The following DNAH8 variants were observed in gnomAD, a reference collection of about 807,000 sequenced individuals.
DNAH8 encodes the protein dynein axonemal heavy chain 8, also known as axonemal beta dynein heavy chain 8.
DNAH8 carries 382 observed loss-of-function variants against 562.1 expected under a neutral mutation model. The ratio of observed to expected loss-of-function variants is 0.68; its 90% CI spans 0.63 to 0.74. DNAH8 has a LOEUF of 0.74. Ranked by LOEUF, DNAH8 falls within the 30% of genes least tolerant of loss-of-function variation. The pLI, the probability that DNAH8 is intolerant of heterozygous loss-of-function variation, is 0.00. For missense variants in DNAH8, 5,203 were observed against 5,620.4 expected (o/e 0.93, Z 2.37); for synonymous variants, 1,881 against 1,919.4 (o/e 0.98, Z 0.52).
chr6:38,910,273 A>G (rs1780789928), intron 65 of DNAH8, among the ~76,000 whole-genome samples: 1 of 152,228 alleles, frequency 6.6e-6, no homozygotes. Flanking sequence ...CATGTTCATT[A>G]TGTGAAAGCT....
At position 38,911,606 on chromosome 6, in the gene DNAH8, A is replaced by G. The variant is rs769927619; in HGVS notation, c.9859+20A>G. On this transcript the variant is annotated intron_variant, in intron 66 of 92. Coordinates refer to ENST00000327475, the MANE Select transcript of DNAH8 (RefSeq NM_001206927.2). ...ATATTGGTAAGAGGAATGGAATGGA[A>G]TGGGATGGAATAGAAATAGGGTTTA... 2.1e-6 allele frequency: 3 copies of G among 1,463,384 alleles called. No homozygotes were observed. The highest frequency in any genetic ancestry group is 1.1e-5 in the South Asian group (1 of 87,310). 90.6% of individuals were successfully genotyped at this position (1,463,384 alleles called of 1,614,324 possible). A position where few individuals can be genotyped will look rare whatever the true frequency, so the allele number is the denominator to read the frequency against.
At position 38,911,530 on chromosome 6, in the gene DNAH8, A is replaced by G. The variant is rs1401462491; in HGVS notation, c.9803A>G (p.Asn3268Ser). ...SYLSFINGYKNIYAEKVKFIN... is the reference protein window; with the variant it reads ...SYLSFINGYKSIYAEKVKFIN... ...CTCTCATTTATAAATGGTTATAAAA[A>G]CATTTATGCTGAAAAGGTGAAGTTC... The change falls in exon 66 of 93, where the codon AAC (asparagine) becomes AGC (serine). Residue 3268 changes from asparagine to serine, a missense_variant. Physicochemically the swap from Asn to Ser is conservative, Grantham distance 46. Around this residue, in one of 6 missense-constraint regions of DNAH8, gnomAD observed 977 missense variants for 1,061.8 expected, o/e 0.92. Coordinates refer to ENST00000327475, the MANE Select transcript of DNAH8 (RefSeq NM_001206927.2). 3 of 1,613,818 alleles carry G rather than the reference A, an allele frequency of 1.9e-6. No homozygotes were observed. The African/African-American group carries it at 4.0e-5, about 22-fold the overall frequency.
chr6:38,960,821 T>G (rs537629870), intron 82 of DNAH8, among the ~76,000 whole-genome samples: 1 of 152,170 alleles, frequency 6.6e-6, no homozygotes, highest in Admixed American at 6.5e-5. Context: ...TTTTTCATTT[T>G]AAATATAAAA....
At chr6:38,823,710 T>G in intron 28 of DNAH8, 22 bp downstream of exon 28, 1 of 1,560,472 alleles carries the variant, frequency 6.4e-7, no homozygotes, top group South Asian at 1.1e-5. Flanking sequence ...ATGTTTATTA[T>G]GTAAAGTATC....
intron 75 of DNAH8, among the ~76,000 whole-genome samples, 167 bp from the exon 76 acceptor site, chr6:38,931,644 A>T (rs549370222): frequency 3.2e-4 from 48 of 152,296 alleles, no homozygotes; most frequent in African/African-American, 1.1e-3. Context: ...ATTATTCTAA[A>T]TTGAATAGGC....
chr6:38,723,633 G>C (rs1367072481), intron 3 of DNAH8, among the ~76,000 whole-genome samples, 162 bp downstream of exon 3: 3 of 152,178 alleles, frequency 2.0e-5, no homozygotes, highest in African/African-American at 7.2e-5. Flanking sequence ...CCAGCACTTT[G>C]GGAGGCTGAG....
intron 56 of DNAH8, 121 bp downstream of exon 56, chr6:38,884,119 C>T: frequency 3.5e-6 from 2 of 566,102 alleles, no homozygotes; most frequent in Non-Finnish European, 2.4e-6. Context: ...TACTGCCAAT[C>T]CTCAGTCTTT....
chr6:38,747,128 A>T (rs1177349377), intron 8 of DNAH8, among the ~76,000 whole-genome samples: 1 of 152,144 alleles, frequency 6.6e-6, no homozygotes, highest in Non-Finnish European at 1.5e-5. Context: ...ACTATGTGCC[A>T]AGCGTTGTGT....
At chr6:38,764,745 A>C (rs867387606) in intron 11 of DNAH8, 1 of 152,064 alleles carries the variant, frequency 6.6e-6, no homozygotes, top group African/African-American at 2.4e-5. Context: ...TAAAACTGAT[A>C]ATTGGAGATG....
At chr6:38,936,620 G>A (rs1043449605) in intron 77 of DNAH8, among the ~76,000 whole-genome samples, 3 of 152,114 alleles carry the variant, frequency 2.0e-5, no homozygotes, top group South Asian at 2.1e-4. Flanking sequence ...CTGCCTACTC[G>A]CACTGCTCCC....
intron 33 of DNAH8, among the ~76,000 whole-genome samples, chr6:38,841,770 TG>T (rs1774818174): frequency 6.6e-6 from 1 of 151,868 alleles, no homozygotes; most frequent in Admixed American, 6.6e-5. Context: ...CAGGCTGGAG[TG>T]CAGTGGTGCA....
intron 52 of DNAH8, among the ~76,000 whole-genome samples, chr6:38,874,032 CTTTTCT>C (rs1777703150): frequency 2.5e-5 from 2 of 81,246 alleles, no homozygotes; most frequent in African/African-American, 9.7e-5. Context: ...TTCCCTTTTT[CTTTTCT>C]TTTCTTTCTT....
chr6:38,857,775 A>G (rs770791848), intron 42 of DNAH8, 33 bp downstream of exon 42: 2 of 1,344,380 alleles, frequency 1.5e-6, no homozygotes, highest in Admixed American at 3.8e-5. Context: ...TTAGTGTACT[A>G]ACTAATAATG....
At chr6:38,805,912 A>G (rs1318723546) in intron 23 of DNAH8, among the ~76,000 whole-genome samples, 1 of 152,190 alleles carries the variant, frequency 6.6e-6, no homozygotes, top group Admixed American at 6.5e-5. Context: ...CTCAGAATGG[A>G]GAACTTTGTT....
chr6:38,959,359 G>A (rs1762465454), intron 82 of DNAH8, among the ~76,000 whole-genome samples: 1 of 152,040 alleles, frequency 6.6e-6, no homozygotes, highest in Non-Finnish European at 1.5e-5. Flanking sequence ...TAGATGACAT[G>A]TATACAGAAA....
Position 38,870,402 on chromosome 6 carries a change from T to G in DNAH8, c.6830T>G (p.Val2277Gly). 1 of 1,612,290 alleles carries G rather than the reference T, an allele frequency of 6.2e-7. No individual in the cohort carries two copies. Among genetic ancestry groups the G allele is most frequent in the Admixed American group, 1.7e-5 (1 of 59,708 alleles). Residue 2277 changes from valine to glycine, a missense_variant and splice_region_variant, in exon 49 of 93, where the codon GTT becomes GGT. By Grantham distance (109) the Val-to-Gly change is moderately radical (BLOSUM62 -3). This residue lies in a region of DNAH8 where 2,176 missense variants were observed against 2,365.1 expected (regional missense o/e 0.92). Coordinates refer to ENST00000327475, the MANE Select transcript of DNAH8 (RefSeq NM_001206927.2). ...GLRDMNLSKL[V>G]DEDEPLFLSL... The stretch of plus-strand genomic sequence containing the variant: ...TTATTTTAAACTATGCCACCTTAGG[T>G]TGATGAAGATGAACCCCTGTTCCTC...
In DNAH8 at chr6:38,775,616, T is replaced by A. The variant is rs1196181584; in HGVS notation, c.1765-138T>A. 4 of 587,950 alleles carry A rather than the reference T, an allele frequency of 6.8e-6. No individual in the cohort carries two copies. The African/African-American group carries it at 7.5e-5, about 11-fold the overall frequency. 36.4% of individuals were successfully genotyped at this position (587,950 alleles called of 1,614,324 possible). On this transcript the variant is annotated intron_variant, in intron 12 of 92. Transcript: ENST00000327475. ...GAGATTTGTCTTCTGTTTTATCTCC[T>A]CTGGTTGGTTTTAGCGAAATTATTC...
intron 11 of DNAH8, chr6:38,764,633 TGAG>T (rs1766826022): frequency 1.3e-5 from 2 of 152,274 alleles, no homozygotes; most frequent in African/African-American, 4.8e-5. Flanking sequence ...AGGAAGTTGT[TGAG>T]GTGGTAAAGG....
intron 16 of DNAH8, among the ~76,000 whole-genome samples, chr6:38,782,760 C>T (rs1380099927): frequency 6.6e-6 from 1 of 152,088 alleles, no homozygotes; most frequent in Non-Finnish European, 1.5e-5. Flanking sequence ...GGCTGTGGGG[C>T]TGGAGGCCTC....
Sources: gnomAD v4.1 joint callset for allele counts (sites outside exome capture counted in the v4.1 genomes callset) on GRCh38, gnomAD v4.1.1 for gene constraint, gnomAD v4.1.1 regional missense constraint, MANE v1.5 for transcripts, NCBI Gene and HGNC (gene_info 2026-07-23, HGNC 2026-07-21) for gene names.